FER: variants seen among roughly 807,000 people sequenced by gnomAD.
FER encodes the protein tyrosine-protein kinase Fer.
Under a neutral mutation model 111.0 loss-of-function variants are expected in FER, and 63 were observed. That is an observed-to-expected ratio of 0.57 (90% confidence interval 0.46 to 0.70). The LOEUF (loss-of-function observed/expected upper bound fraction) is 0.70. Among genes scored for constraint, FER ranks in the 30% least tolerant of loss-of-function variants. The probability of loss-of-function intolerance (pLI) is 0.00; values close to 1 mark genes in which losing one functional copy is unlikely to be tolerated. For missense variants in FER, 914 were observed against 954.0 expected, an observed-to-expected ratio of 0.96 and a Z score of 0.55; for synonymous variants, 327 against 313.9, an observed-to-expected ratio of 1.04 and a Z score of -0.44.
intron 1 of FER, among the ~76,000 whole-genome samples, chr5:108,751,318 G>C (rs1159776163): frequency 6.7e-6 from 1 of 149,482 alleles, no homozygotes. Context: ...GTTTGTGAGT[G>C]GGAATTGTAC....
At chr5:109,169,336 T>C (rs968599464) in intron 17 of FER, among the ~76,000 whole-genome samples, 7 of 152,078 alleles carry the variant, frequency 4.6e-5, no homozygotes, top group African/African-American at 1.4e-4. Context: ...AGAAAAGAAA[T>C]TGAATTTCAG....
At chr5:108,841,883 T>G (rs776902411) in intron 5 of FER, 25 of 387,862 alleles carry the variant, frequency 6.4e-5, no homozygotes, top group South Asian at 4.5e-4. Context: ...GTACCTGGGA[T>G]TTGTAAGGAT....
intron 16 of FER, among the ~76,000 whole-genome samples, chr5:109,087,234 T>G (rs1244871633): frequency 1.3e-5 from 2 of 151,720 alleles, no homozygotes; most frequent in African/African-American, 4.8e-5. Context: ...TAATTTGAGG[T>G]CATATGTTCT....
chr5:108,837,677 AT>A (rs1351488569), intron 5 of FER, among the ~76,000 whole-genome samples: 1 of 152,122 alleles, frequency 6.6e-6, no homozygotes. Flanking sequence ...GATACAGTTT[AT>A]TTTTTTAAAA....
rs527480931 is a variant in FER at position 109,147,037 on chromosome 5, A to T, written c.2049-33710A>T. 3.3e-5 allele frequency among the ~76,000 whole-genome samples: 5 copies of T among 152,200 alleles called. No individual in the cohort carries two copies. In the South Asian group the frequency reaches 1.0e-3, roughly 32 times the overall value. On this transcript the variant is annotated intron_variant, in intron 17 of 19. Transcript: ENST00000281092. ...ATATATGTGATAAGTGACCACTTCCATTCATAGAGATTATAAATAAACAAC... is the reference window on the plus strand; with the variant it reads ...ATATATGTGATAAGTGACCACTTCCTTTCATAGAGATTATAAATAAACAAC...
chr5:108,819,485 A>G (rs1350047375), intron 3 of FER, among the ~76,000 whole-genome samples: 2 of 152,198 alleles, frequency 1.3e-5, no homozygotes, highest in African/African-American at 4.8e-5. Context: ...CTTTAGGCAG[A>G]TTAATTTATC....
chr5:109,072,454 C>A (rs781396146), intron 16 of FER, among the ~76,000 whole-genome samples: 4 of 151,518 alleles, frequency 2.6e-5, no homozygotes, highest in Non-Finnish European at 5.9e-5. Context: ...GGGTTTGTTC[C>A]CAGGACTTTG....
At chr5:109,100,656 C>G in intron 17 of FER, 137 bp downstream of exon 17, 1 of 850,944 alleles carries the variant, frequency 1.2e-6, no homozygotes. Flanking sequence ...GTGAAAGTGT[C>G]CTCTGCTAGT....
intron 14 of FER, among the ~76,000 whole-genome samples, chr5:109,040,029 T>C (rs1375219796): frequency 6.6e-6 from 1 of 152,074 alleles, no homozygotes; most frequent in African/African-American, 2.4e-5. Context: ...ATTGAACCAA[T>C]TGAATATCCT....
At chr5:109,105,485 CAAAAT>C (rs1748796914) in intron 17 of FER, among the ~76,000 whole-genome samples, 1 of 151,900 alleles carries the variant, frequency 6.6e-6, no homozygotes, top group South Asian at 2.1e-4. Flanking sequence ...AAAATAAAGA[CAAAAT>C]AAATAAAAAT....
At chr5:109,167,211 G>A (rs537687583) in intron 17 of FER, among the ~76,000 whole-genome samples, 3 of 152,210 alleles carry the variant, frequency 2.0e-5, no homozygotes, top group South Asian at 2.1e-4. Flanking sequence ...TGGTTGATAC[G>A]TACATACATA....
chr5:108,985,152 G>T (rs141985601), intron 13 of FER, among the ~76,000 whole-genome samples: 1,783 of 152,132 alleles, frequency 0.012, 17 homozygotes, highest in Non-Finnish European at 0.02. Flanking sequence ...AGTGGACATG[G>T]GCTGACAGGT....
At position 109,155,765 on chromosome 5, in the gene FER, A is replaced by G. The variant is rs570405252; in HGVS notation, c.2049-24982A>G. On this transcript the variant is annotated intron_variant, in intron 17 of 19. Transcript: ENST00000281092. ...ATAGATTGTGAGTCCATAGAAGGGA[A>G]AGTGATGGTCAAATGAAGCCAGCAT... is the stretch of plus-strand genomic sequence containing the variant. 2.0e-5 allele frequency among the ~76,000 whole-genome samples: 3 copies of G among 152,080 alleles called. 1 individual carries two copies. The East Asian group carries it at 5.8e-4, about 29-fold the overall frequency.
At chr5:109,056,546 G>T (rs1773673605) in intron 16 of FER, among the ~76,000 whole-genome samples, 1 of 152,074 alleles carries the variant, frequency 6.6e-6, no homozygotes, top group Non-Finnish European at 1.5e-5. Context: ...AATGAAACGG[G>T]TCACTAGGGC....
chr5:109,090,319 T>A (rs1404277457), intron 16 of FER, among the ~76,000 whole-genome samples: 1 of 152,130 alleles, frequency 6.6e-6, no homozygotes, highest in Non-Finnish European at 1.5e-5. Context: ...GTTCAGAGAT[T>A]CCCCAAATAT....
intron 5 of FER, among the ~76,000 whole-genome samples, chr5:108,866,889 A>G (rs925426782): frequency 6.6e-6 from 1 of 152,158 alleles, no homozygotes; most frequent in South Asian, 2.1e-4. Context: ...CAATCTGTAA[A>G]TGTTTTCTAA....
At chr5:108,866,148 G>A (rs1764030201) in intron 5 of FER, among the ~76,000 whole-genome samples, 1 of 152,136 alleles carries the variant, frequency 6.6e-6, no homozygotes, top group Non-Finnish European at 1.5e-5. Context: ...TATGTTTATT[G>A]CGGTACTATT....
intron 17 of FER, 130 bp downstream of exon 17, chr5:109,100,649 A>G (rs1360419053): frequency 2.1e-6 from 2 of 930,282 alleles, no homozygotes; most frequent in Non-Finnish European, 3.2e-6. Flanking sequence ...ATTTTGTGTG[A>G]AAGTGTCCTC....
intron 15 of FER, among the ~76,000 whole-genome samples, 186 bp from the exon 16 acceptor site, chr5:109,046,918 T>C (rs1772070864): frequency 6.6e-6 from 1 of 152,150 alleles, no homozygotes; most frequent in African/African-American, 2.4e-5. Flanking sequence ...ACCAGTCTCC[T>C]ACAGATACTG....
Sources: allele counts gnomAD v4.1 joint callset (sites outside exome capture counted in the v4.1 genomes callset), GRCh38; gene constraint gnomAD v4.1.1; transcripts MANE v1.5; gene names NCBI Gene and HGNC (gene_info 2026-07-23, HGNC 2026-07-21).